Variants in DNAH9 observed in about 807,000 individuals in gnomAD.
The protein encoded by DNAH9 is DNAH9 variant protein.
Under a neutral mutation model 471.6 loss-of-function variants are expected in DNAH9, and 345 were observed. The ratio of observed to expected loss-of-function variants is 0.73; its 90% CI spans 0.67 to 0.80. DNAH9 has a LOEUF of 0.80. Among genes scored for constraint, DNAH9 ranks in the 30% least tolerant of loss-of-function variants. The pLI is 0.00. For missense variants in DNAH9, 5,407 were observed against 5,609.2 expected (o/e 0.96, Z 1.15); for synonymous variants, 2,093 against 2,123.6 (o/e 0.99, Z 0.40).
intron 37 of DNAH9, 109 bp downstream of exon 37, chr17:11,768,735 A>G: frequency 7.4e-7 from 1 of 1,343,470 alleles, no homozygotes; most frequent in Non-Finnish European, 1.0e-6. Context: ...CTTGCTAGGA[A>G]CTAGTCATCC....
chr17:11,863,454 T>C (rs1971931403), intron 50 of DNAH9, among the ~76,000 whole-genome samples: 1 of 152,224 alleles, frequency 6.6e-6, no homozygotes, highest in African/African-American at 2.4e-5. Flanking sequence ...TGCATCCATG[T>C]TCATCAAGGA....
At chr17:11,628,698 A>G (rs2073012214) in intron 6 of DNAH9, among the ~76,000 whole-genome samples, 1 of 152,184 alleles carries the variant, frequency 6.6e-6, no homozygotes, top group South Asian at 2.1e-4. Context: ...ATCCCTTAGG[A>G]TTGCTGTCAT....
intron 61 of DNAH9, among the ~76,000 whole-genome samples, chr17:11,919,813 T>C (rs1292717200): frequency 6.6e-6 from 1 of 151,830 alleles, no homozygotes; most frequent in Non-Finnish European, 1.5e-5. Flanking sequence ...AAGCTGAAAT[T>C]AGAAAAAAAC....
In DNAH9 at chr17:11,855,736, C is replaced by A. The variant is rs183628048; in HGVS notation, c.9933+1308C>A. 2.6e-4 allele frequency among the ~76,000 whole-genome samples: 40 copies of A among 152,220 alleles called. No individual in the cohort carries two copies. The South Asian group carries it at 3.1e-3, about 12-fold the overall frequency. ...TTTCATATGCTTGAACTTCACCTTG[C>A]CCATAAAAATGCATATTAACAAAGT... is the stretch of plus-strand genomic sequence containing the variant. On this transcript the variant is annotated intron_variant, in intron 50 of 68. Transcript: ENST00000262442.
intron 51 of DNAH9, 59 bp from the exon 52 acceptor site, chr17:11,871,539 C>T (rs895067187): frequency 1.1e-5 from 16 of 1,500,082 alleles, no homozygotes; most frequent in Admixed American, 7.0e-5. Flanking sequence ...GATGGAATCA[C>T]GGCTCTATCA....
rs919426639 is a variant in DNAH9 at position 11,598,880 on chromosome 17, G to A, written c.382G>A (p.Ala128Thr). The A allele has an allele frequency of 1.9e-6, 3 of 1,542,552 alleles. No homozygotes were observed. Among genetic ancestry groups the A allele is most frequent in the Non-Finnish European group, 1.7e-6 (2 of 1,150,894 alleles). Residue 128 changes from alanine to threonine, a missense_variant, in exon 1 of 69, where the codon GCA (alanine) becomes ACA (threonine). Ala to Thr is a moderately conservative substitution (Grantham distance 58). Around this residue, in one of 3 missense-constraint regions of DNAH9, gnomAD observed 767 missense variants for 692.5 expected, o/e 1.11. Transcript: ENST00000262442. ...GAVVCGDLPA[A>T]PLEHLAALFS... is the part of the protein sequence containing the mutation. ...AGTGGTCTGCGGGGACCTGCCCGCG[G>A]CACCTCTGGAGCACCTAGCCGCGCT...
Position 11,947,772 on chromosome 17 carries a change from A to AATTTTTT in DNAH9, c.12843+5287_12843+5288insATTTTTT, listed in dbSNP as rs1555528615. 1.8e-4 allele frequency among the ~76,000 whole-genome samples: 19 copies of AATTTTTT among 108,344 alleles called. 6 individuals are homozygous for AATTTTTT. The highest frequency in any genetic ancestry group is 2.0e-4 in the Non-Finnish European group (11 of 56,146). The allele number at this position is 108,344 out of a possible 152,430, so 71.1% of individuals were successfully genotyped here. On this transcript the variant is annotated intron_variant, in intron 67 of 68. Transcript: ENST00000262442. ...CAGAATCTGGGAGGGGCTGGGAACT[A>AATTTTTT]TTTTTTTTTTTTTTTTTTTTTTTTT...
At chr17:11,632,251 A>T (rs1407207539) in intron 7 of DNAH9, among the ~76,000 whole-genome samples, 1 of 152,210 alleles carries the variant, frequency 6.6e-6, no homozygotes, top group Non-Finnish European at 1.5e-5. Context: ...GGGGCTGTTG[A>T]TGCTGCGGTG....
At chr17:11,805,540 T>TGAGA in intron 43 of DNAH9, among the ~76,000 whole-genome samples, 3 of 95,750 alleles carry the variant, frequency 3.1e-5, no homozygotes, top group African/African-American at 4.2e-5. Flanking sequence ...TTTTTTTTTT[T>TGAGA]TTTTTTTTTT....
intron 42 of DNAH9, among the ~76,000 whole-genome samples, chr17:11,796,776 G>A (rs1448308208): frequency 1.3e-5 from 2 of 152,164 alleles, no homozygotes; most frequent in African/African-American, 2.4e-5. Context: ...TCTATCTCAA[G>A]TCTCAGGTAT....
intron 9 of DNAH9, among the ~76,000 whole-genome samples, chr17:11,639,004 C>T (rs1196718778): frequency 6.6e-6 from 1 of 152,328 alleles, no homozygotes; most frequent in South Asian, 2.1e-4. Context: ...TGCATCAAAT[C>T]TCTGCCTTCC....
Position 11,969,719 on chromosome 17 carries a change from G to C in DNAH9, c.*192G>C, listed in dbSNP as rs1977060437. On this transcript the variant is annotated 3_prime_UTR_variant, in exon 69 of 69. Coordinates refer to ENST00000262442, the MANE Select transcript of DNAH9 (RefSeq NM_001372.4). ...GCTGAGCTGAAGGAATGTGGGCCCA[G>C]GTTTCTTAATAAAATGATTTACTCT... 1 of 578,978 alleles carries C rather than the reference G, an allele frequency of 1.7e-6. No individual in the cohort carries two copies. The highest frequency in any genetic ancestry group is 3.1e-6 in the Non-Finnish European group (1 of 327,682). The allele number at this position is 578,978 out of a possible 1,614,324, so 35.9% of individuals were successfully genotyped here. A position where few individuals can be genotyped will look rare whatever the true frequency, so the allele number is the denominator to read the frequency against.
chr17:11,835,422 G>A (rs948056221), intron 49 of DNAH9, among the ~76,000 whole-genome samples: 1 of 152,152 alleles, frequency 6.6e-6, no homozygotes, highest in East Asian at 1.9e-4. Flanking sequence ...ATCAAAATTG[G>A]TAAGTAATTA....
intron 63 of DNAH9, 63 bp downstream of exon 63, chr17:11,930,156 T>G (rs1597839799): frequency 7.1e-7 from 1 of 1,404,504 alleles, no homozygotes; most frequent in Non-Finnish European, 9.9e-7. Context: ...TGCAAACTGG[T>G]GGGGGGAGAG....
At chr17:11,914,130 T>C (rs1973869646) in intron 61 of DNAH9, among the ~76,000 whole-genome samples, 1 of 152,218 alleles carries the variant, frequency 6.6e-6, no homozygotes, top group Admixed American at 6.5e-5. Flanking sequence ...AGGGGGTCTC[T>C]AAAAGAAGAA....
rs370081098 is a variant in DNAH9 at position 11,606,327 on chromosome 17, C to T, written c.418-1802C>T. Among the ~76,000 whole-genome samples the T allele has an allele frequency of 2.0e-3, 311 of 152,116 alleles. 2 individuals carry two copies. Among genetic ancestry groups the T allele is most frequent in the African/African-American group, 7.3e-3 (303 of 41,508 alleles). On this transcript the variant is annotated intron_variant, in intron 1 of 68. Transcript: ENST00000262442. ...ATTATTTATATATTGGTAGCTTCCT[C>T]ATCACATTATATGAGCATCTGTTTG...
chr17:11,651,385 C>A, intron 13 of DNAH9, 61 bp downstream of exon 13: 2 of 1,501,970 alleles, frequency 1.3e-6, no homozygotes, highest in Admixed American at 2.0e-5. Flanking sequence ...TAATAAAGTT[C>A]ATAGAACCTC....
chr17:11,880,810 A>G (rs1972689728), intron 54 of DNAH9, among the ~76,000 whole-genome samples: 1 of 152,174 alleles, frequency 6.6e-6, no homozygotes, highest in Non-Finnish European at 1.5e-5. Context: ...ATTTTCACCC[A>G]TAGATGTCAT....
intron 35 of DNAH9, among the ~76,000 whole-genome samples, chr17:11,761,292 T>C (rs1967654832): frequency 6.6e-6 from 1 of 152,200 alleles, no homozygotes. Context: ...AGGACTGCAA[T>C]GGGAAAGAGG....
Sources: allele counts gnomAD v4.1 joint callset (sites outside exome capture counted in the v4.1 genomes callset), GRCh38; gene constraint gnomAD v4.1.1; regional missense constraint gnomAD v4.1.1; transcripts MANE v1.5; gene names NCBI Gene and HGNC (gene_info 2026-07-23, HGNC 2026-07-21).